Variants in LPIN3 observed in about 807,000 individuals in gnomAD.
LPIN3 encodes lipin 3.
Under a neutral mutation model 94.7 loss-of-function variants are expected in LPIN3, and 82 were observed. The observed-to-expected ratio is 0.87, with a 90% CI of 0.72 to 1.04. The LOEUF (loss-of-function observed/expected upper bound fraction) is 1.04. Among genes scored for constraint, LPIN3 ranks in the 50% least tolerant of loss-of-function variants. LPIN3 has a pLI of 0.00. For missense variants in LPIN3, 996 were observed against 1,090.5 expected (o/e 0.91, Z 1.22); for synonymous variants, 418 against 443.3 (o/e 0.94, Z 0.72).
chr20:41,359,956 A>G lies in LPIN3; in HGVS notation c.*1090A>G, dbSNP rs2046335706. Reference sequence around the variant, plus strand: ...CTCTCCTCCCACTGTCTTTGAAGAAAGTAGCTTTAGACCGGCTAAAAGCTT... The same window carrying G: ...CTCTCCTCCCACTGTCTTTGAAGAAGGTAGCTTTAGACCGGCTAAAAGCTT... On this transcript the variant is annotated 3_prime_UTR_variant, in exon 20 of 20. Transcript: ENST00000373257. The G allele has an allele frequency of 6.6e-6, 1 of 152,594 alleles. No homozygotes were observed. 9.5% of individuals were successfully genotyped at this position (152,594 alleles called of 1,614,324 possible). A position where few individuals can be genotyped will look rare whatever the true frequency, so the allele number is the denominator to read the frequency against.
Position 41,350,202 on chromosome 20 carries a change from G to C in LPIN3, c.907G>C (p.Ala303Pro). ...PLGLPIQQTE[A>P]GADLQPDTED... ...GGGACTCCCAATCCAGCAAACAGAG[G>C]CTGGTGCCGACCTTCAGCCTGACAC... Residue 303 changes from alanine to proline, a missense_variant, in exon 7 of 20, where the codon GCT becomes CCT. By Grantham distance (27) the Ala-to-Pro change is conservative (BLOSUM62 -1). Coordinates refer to ENST00000373257, the MANE Select transcript of LPIN3 (RefSeq NM_022896.3). 1 of 1,613,562 alleles carries C rather than the reference G, an allele frequency of 6.2e-7. No individual in the cohort carries two copies. The highest frequency in any genetic ancestry group is 8.5e-7 in the Non-Finnish European group (1 of 1,180,018).
chr20:41,356,183 C>A, intron 14 of LPIN3, 149 bp downstream of exon 14: 2 of 1,149,958 alleles, frequency 1.7e-6, no homozygotes, highest in Non-Finnish European at 2.4e-6. Flanking sequence ...CCCTGATGGC[C>A]TCCACTTGAA....
chr20:41,359,123 CTTTTTT>C lies in LPIN3; in HGVS notation c.*277_*282del, dbSNP rs75257468. ...TTGTCATCTGGGCCCTTGCAGGGTTCTTTTTTTTTTTTTTTTTTTTTTTTTCCTGAG... is the reference window on the plus strand; with the variant it reads ...TTGTCATCTGGGCCCTTGCAGGGTTCTTTTTTTTTTTTTTTTTTTCCTGAG... On this transcript the variant is annotated 3_prime_UTR_variant, in exon 20 of 20. Transcript: ENST00000373257. 3.9e-3 allele frequency: 299 copies of C among 76,998 alleles called. 1 individual carries two copies. The highest frequency in any genetic ancestry group is 0.015 in the African/African-American group (281 of 18,708). 4.8% of individuals were successfully genotyped at this position (76,998 alleles called of 1,614,324 possible).
At chr20:41,345,620 G>C (rs2045740140) in intron 1 of LPIN3, among the ~76,000 whole-genome samples, 176 bp from the exon 2 acceptor site, 1 of 152,254 alleles carries the variant, frequency 6.6e-6, no homozygotes, top group Admixed American at 6.5e-5. Context: ...GGCAAGCTGG[G>C]GTTAGACCCA....
At position 41,350,249 on chromosome 20, in the gene LPIN3, T is replaced by C; in HGVS notation, c.954T>C (p.Gly318=). ...QPDTEDPTLV[G]PPLHTPETEE... ...ACACAGAGGATCCCACTCTAGTGGGTCCCCCTCTCCACACCCCAGAGACAG... is the reference window on the plus strand; with the variant it reads ...ACACAGAGGATCCCACTCTAGTGGGCCCCCCTCTCCACACCCCAGAGACAG... The change falls in exon 7 of 20, where the codon GGT becomes GGC. Residue 318 remains glycine, a synonymous_variant. Transcript: ENST00000373257. 6.2e-7 allele frequency: 1 copy of C among 1,613,436 alleles called. No homozygotes were observed. The highest frequency in any genetic ancestry group is 1.1e-5 in the South Asian group (1 of 91,058).
At chr20:41,346,170 T>C (rs1253868512) in intron 2 of LPIN3, among the ~76,000 whole-genome samples, 175 bp downstream of exon 2, 6 of 152,176 alleles carry the variant, frequency 3.9e-5, no homozygotes, top group Non-Finnish European at 8.8e-5. Flanking sequence ...TTGGGGGTTT[T>C]GGTCTGGGAG....
At chr20:41,347,447 TG>T in intron 2 of LPIN3, 104 bp from the exon 3 acceptor site, 1 of 1,027,334 alleles carries the variant, frequency 9.7e-7, no homozygotes, top group Non-Finnish European at 1.5e-6. Context: ...CCAGCAAGTA[TG>T]GTGTTTGGGG....
In LPIN3 at chr20:41,360,425, C is replaced by T. The variant is rs978730227; in HGVS notation, c.*1559C>T. 1 of 152,456 alleles carries T rather than the reference C, an allele frequency of 6.6e-6. No individual in the cohort carries two copies. The highest frequency in any genetic ancestry group is 1.5e-5 in the Non-Finnish European group (1 of 68,098). The allele number at this position is 152,456 out of a possible 1,614,324, so 9.4% of individuals were successfully genotyped here. On this transcript the variant is annotated 3_prime_UTR_variant, in exon 20 of 20. Coordinates refer to ENST00000373257, the MANE Select transcript of LPIN3 (RefSeq NM_022896.3). ...GAGGACAGTGTGGGCACCAGAGGGC[C>T]CTGGAAACATCTTAGGGGAAGGAAA...
At position 41,360,457 on chromosome 20, in the gene LPIN3, G is replaced by A. The variant is rs1052260227; in HGVS notation, c.*1591G>A. The A allele has an allele frequency of 6.6e-6, 1 of 152,648 alleles. No homozygotes were observed. Among genetic ancestry groups the A allele is most frequent in the Admixed American group, 6.5e-5 (1 of 15,278 alleles). 9.5% of individuals were successfully genotyped at this position (152,648 alleles called of 1,614,324 possible). On this transcript the variant is annotated 3_prime_UTR_variant, in exon 20 of 20. Transcript: ENST00000373257. ...ACATCTTAGGGGAAGGAAAGGAAAA[G>A]GATAAATTTGGAGTGGGGGGTCTCT... is the stretch of plus-strand genomic sequence containing the variant.
chr20:41,357,283 C>T (rs530760941), intron 15 of LPIN3, 78 bp from the exon 16 acceptor site: 1 of 1,597,854 alleles, frequency 6.3e-7, no homozygotes, highest in Admixed American at 1.7e-5. Flanking sequence ...GGAGCCCTCC[C>T]TTCCTGGTGG....
rs570543590 is a variant in LPIN3 at position 41,357,349 on chromosome 20, C to T, written c.1953-12C>T. 3 of 1,613,354 alleles carry T rather than the reference C, an allele frequency of 1.9e-6. No individual in the cohort carries two copies. Among genetic ancestry groups the T allele is most frequent in the Admixed American group, 1.7e-5 (1 of 60,006 alleles). On this transcript the variant is annotated splice_polypyrimidine_tract_variant and intron_variant, in intron 15 of 19. Coordinates refer to ENST00000373257, the MANE Select transcript of LPIN3 (RefSeq NM_022896.3). ...GAGCTGCCTTGGAGTAACCCTTCCT[C>T]TCTCACTCTAGGTCAGATGCTCTGG... is the stretch of plus-strand genomic sequence containing the variant.
rs1314241311 is a variant in LPIN3 at position 41,354,883 on chromosome 20, G to A, written c.1664+20G>A. ...GCAGGGGTGAGTGAGACCCCCTATT[G>A]GGGCTCTGCAGGGGGAGCCTGGGAA... On this transcript the variant is annotated intron_variant, in intron 13 of 19. Coordinates refer to ENST00000373257, the MANE Select transcript of LPIN3 (RefSeq NM_022896.3). 1.4e-5 allele frequency: 21 copies of A among 1,551,832 alleles called. No homozygotes were observed. The highest frequency in any genetic ancestry group is 1.8e-5 in the Non-Finnish European group (21 of 1,147,694).
At position 41,352,880 on chromosome 20, in the gene LPIN3, G is replaced by A. The variant is rs1446385799; in HGVS notation, c.1527+13G>A. 2 of 1,613,854 alleles carry A rather than the reference G, an allele frequency of 1.2e-6. No homozygotes were observed. The highest frequency in any genetic ancestry group is 1.7e-4 in the Middle Eastern group (1 of 6,060). ...AAACTTGCCCAAGGTAATGGTTAGA[G>A]CACCACTGCCCCTGCTGGGGAAGGT... On this transcript the variant is annotated intron_variant, in intron 11 of 19. Coordinates refer to ENST00000373257, the MANE Select transcript of LPIN3 (RefSeq NM_022896.3).
rs751210607 is a variant in LPIN3 at position 41,357,023 on chromosome 20, C to G, written c.1804-17C>G. The stretch of plus-strand genomic sequence containing the variant: ...GCTGTCATCAATCACGACACACCCC[C>G]CTTTGTCTGGCCTCAGCGGCGCCTG... On this transcript the variant is annotated splice_polypyrimidine_tract_variant and intron_variant, in intron 14 of 19. Transcript: ENST00000373257. The G allele has an allele frequency of 1.2e-5, 19 of 1,606,804 alleles. No individual in the cohort carries two copies. The highest frequency in any genetic ancestry group is 3.3e-5 in the Admixed American group (2 of 59,880).
intron 16 of LPIN3, 145 bp from the exon 17 acceptor site, chr20:41,357,737 G>T (rs2046263232): frequency 4.5e-6 from 5 of 1,107,782 alleles, no homozygotes. Flanking sequence ...TGAGTCCACT[G>T]CCTGGCCGTT....
rs2045831429 is a variant in LPIN3, at chr20:41,347,637, A to T, written c.278A>T (p.Glu93Val). ...SGEAFFVQEL[E>V]SDDEHVPPGL... ...GAGGCCTTCTTTGTTCAGGAGCTGGAGAGCGATGATGTGAGTCTGCCCTCC... is the reference window on the plus strand; with the variant it reads ...GAGGCCTTCTTTGTTCAGGAGCTGGTGAGCGATGATGTGAGTCTGCCCTCC... Residue 93 changes from glutamate (E) to valine (V), a missense_variant, in exon 3 of 20, where the codon GAG becomes GTG. Physicochemically the swap from Glu to Val is moderately radical, Grantham distance 121. Coordinates refer to ENST00000373257, the MANE Select transcript of LPIN3 (RefSeq NM_022896.3). 6.2e-7 allele frequency: 1 copy of T among 1,613,628 alleles called. No homozygotes were observed. Among genetic ancestry groups the T allele is most frequent in the African/African-American group, 1.3e-5 (1 of 74,922 alleles).
At chr20:41,355,401 G>A (rs2046174922) in intron 13 of LPIN3, among the ~76,000 whole-genome samples, 1 of 152,230 alleles carries the variant, frequency 6.6e-6, no homozygotes, top group South Asian at 2.1e-4. Context: ...CAACAACCAG[G>A]AAATGGCAGA....
chr20:41,346,548 C>T (rs2045784395), intron 2 of LPIN3, among the ~76,000 whole-genome samples: 1 of 152,158 alleles, frequency 6.6e-6, no homozygotes, highest in Admixed American at 6.5e-5. Context: ...TGAGACCAGC[C>T]TGGCCCACAT....
chr20:41,354,458 A>AC (rs1264247304), intron 11 of LPIN3, among the ~76,000 whole-genome samples, 187 bp from the exon 12 acceptor site: 1 of 152,198 alleles, frequency 6.6e-6, no homozygotes, highest in Non-Finnish European at 1.5e-5. Flanking sequence ...AGTATAGCTC[A>AC]CCCAAGTCAT....
Sources: allele counts gnomAD v4.1 joint callset (sites outside exome capture counted in the v4.1 genomes callset), GRCh38; gene constraint gnomAD v4.1.1; transcripts MANE v1.5; gene names NCBI Gene and HGNC (gene_info 2026-07-23, HGNC 2026-07-21).